The following IGF1 variants were observed in gnomAD, a reference collection of about 807,000 sequenced individuals.
IGF1 encodes insulin like growth factor 1.
A neutral mutation model predicts 13.8 loss-of-function variants in IGF1; 4 were observed. The ratio of observed to expected loss-of-function variants is 0.29; its 90% CI spans 0.14 to 0.66. The LOEUF (loss-of-function observed/expected upper bound fraction) is 0.66. Among genes scored for constraint, IGF1 ranks in the 30% least tolerant of loss-of-function variants. IGF1 has a pLI of 0.78. For synonymous variants in IGF1, 76 were observed against 72.6 expected (o/e 1.05, Z -0.23); for missense variants, 124 against 188.5 (o/e 0.66, Z 2.00).
At chr12:102,464,923 G>A (rs1044009966) in intron 2 of IGF1, among the ~76,000 whole-genome samples, 2 of 152,158 alleles carry the variant, frequency 1.3e-5, no homozygotes, top group African/African-American at 2.4e-5. Context: ...TTGCCTATAT[G>A]TGATATCTCT....
chr12:102,445,253 G>GTT (rs1270233872), intron 2 of IGF1, among the ~76,000 whole-genome samples: 4 of 152,150 alleles, frequency 2.6e-5, no homozygotes, highest in African/African-American at 9.7e-5. Flanking sequence ...ATTTAAAGTG[G>GTT]TTTTTTCTAA....
chr12:102,416,304 T>A (rs141905113), intron 3 of IGF1, among the ~76,000 whole-genome samples: 1 of 152,224 alleles, frequency 6.6e-6, no homozygotes, highest in African/African-American at 2.4e-5. Flanking sequence ...TGGCGAGAGT[T>A]TTTGCTTTAT....
At chr12:102,449,649 T>C (rs1878738858) in intron 2 of IGF1, among the ~76,000 whole-genome samples, 1 of 144,016 alleles carries the variant, frequency 6.9e-6, no homozygotes, top group African/African-American at 2.5e-5. Flanking sequence ...TAGAGGAATG[T>C]CAGCACAGGC....
intron 2 of IGF1, among the ~76,000 whole-genome samples, chr12:102,460,958 G>C (rs1879850412): frequency 6.6e-6 from 1 of 152,122 alleles, no homozygotes; most frequent in South Asian, 2.1e-4. Flanking sequence ...ACTGGGAAGA[G>C]AGATCACAAT....
At chr12:102,427,914 G>T (rs957988050) in intron 2 of IGF1, among the ~76,000 whole-genome samples, 7 of 152,046 alleles carry the variant, frequency 4.6e-5, no homozygotes, top group African/African-American at 9.7e-5. Flanking sequence ...GTGCCAGTTG[G>T]GTTGTGTGTG....
At chr12:102,480,228 T>A in intron 1 of IGF1, 91 bp downstream of exon 1, 1 of 1,271,258 alleles carries the variant, frequency 7.9e-7, no homozygotes, top group Non-Finnish European at 1.1e-6. Flanking sequence ...ACAATGAAAA[T>A]TTTAAAGTGA....
intron 3 of IGF1, among the ~76,000 whole-genome samples, chr12:102,405,074 C>CTGCT (rs1224098647): frequency 9.6e-5 from 12 of 124,692 alleles, no homozygotes; most frequent in Admixed American, 2.7e-4. Flanking sequence ...CCATTGGGTT[C>CTGCT]TGCTTTCTTT....
intron 1 of IGF1, among the ~76,000 whole-genome samples, chr12:102,477,758 C>A (rs747590905): frequency 6.6e-6 from 1 of 152,006 alleles, no homozygotes; most frequent in Admixed American, 6.6e-5. Flanking sequence ...TTCTTTGTTG[C>A]GTTCATAGCA....
chr12:102,448,419 C>G (rs1429184782), intron 2 of IGF1, among the ~76,000 whole-genome samples: 2 of 147,442 alleles, frequency 1.4e-5, no homozygotes, highest in Non-Finnish European at 3.0e-5. Context: ...AACCATCATT[C>G]TCAGTAAACT....
chr12:102,405,253 A>T (rs1371402452), intron 3 of IGF1, among the ~76,000 whole-genome samples: 2 of 150,126 alleles, frequency 1.3e-5, no homozygotes, highest in Non-Finnish European at 3.0e-5. Flanking sequence ...TGCCCAGCTA[A>T]TTTTTTGTAT....
Position 102,464,495 on chromosome 12 carries a change from C to A in IGF1, c.220+11148G>T, listed in dbSNP as rs1880158799. Among the ~76,000 whole-genome samples the A allele has an allele frequency of 2.7e-5, 4 of 147,678 alleles. No homozygotes were observed. In the South Asian group the frequency reaches 9.0e-4, roughly 33 times the overall value. ...TGTGAAAAACAGGAGGGGGGAAAAC[C>A]CTTAAAACTTAGTCTGTGTTCTTCT... On this transcript the variant is annotated intron_variant, in intron 2 of 3. Coordinates refer to ENST00000337514, the MANE Select transcript of IGF1 (RefSeq NM_000618.5).
rs548454021 is a variant in IGF1 at position 102,459,836 on chromosome 12, G to A, written c.220+15807C>T. Among the ~76,000 whole-genome samples, 16 of 152,272 alleles carry A rather than the reference G, an allele frequency of 1.1e-4. No homozygotes were observed. The East Asian group carries it at 1.4e-3, about 13-fold the overall frequency. Reference sequence around the variant, plus strand: ...GGCTATACAGTTCTATAAAGATGAGGTTTGTGTCTTATTTATATAAACCAG... The same window carrying A: ...GGCTATACAGTTCTATAAAGATGAGATTTGTGTCTTATTTATATAAACCAG... On this transcript the variant is annotated intron_variant, in intron 2 of 3. Transcript: ENST00000337514.
At chr12:102,444,568 T>G (rs1592789968) in intron 2 of IGF1, among the ~76,000 whole-genome samples, 1 of 152,108 alleles carries the variant, frequency 6.6e-6, no homozygotes, top group East Asian at 1.9e-4. Flanking sequence ...ATACTCTTTA[T>G]AGATTAAATA....
chr12:102,414,689 G>A (rs1432360444), intron 3 of IGF1, among the ~76,000 whole-genome samples: 2 of 152,148 alleles, frequency 1.3e-5, no homozygotes, highest in Non-Finnish European at 1.5e-5. Flanking sequence ...CTCCCAAAGT[G>A]CTAGGATTAC....
Position 102,416,766 on chromosome 12 carries a change from A to T in IGF1, c.402+2743T>A, listed in dbSNP as rs570488199. ...CAAAATGCAGTGGTTATCATCAGAG[A>T]TCAGAAGTCTTCTGTCACTGGCTGA... On this transcript the variant is annotated intron_variant, in intron 3 of 3. Transcript: ENST00000337514. 3.9e-4 allele frequency among the ~76,000 whole-genome samples: 60 copies of T among 152,338 alleles called. No individual in the cohort carries two copies. In the South Asian group the frequency reaches 5.6e-3, roughly 14 times the overall value.
At chr12:102,415,029 TA>T (rs1874963106) in intron 3 of IGF1, among the ~76,000 whole-genome samples, 2 of 152,220 alleles carry the variant, frequency 1.3e-5, no homozygotes, top group South Asian at 4.1e-4. Context: ...CCTGTAGCAA[TA>T]GGTCCTTGAA....
intron 2 of IGF1, among the ~76,000 whole-genome samples, chr12:102,440,846 T>G (rs5742658): frequency 0.027 from 4,181 of 152,274 alleles, 88 homozygotes; most frequent in African/African-American, 0.039. Flanking sequence ...ATTCTGTGAT[T>G]TGAAATTTTA....
Position 102,476,776 on chromosome 12 carries a change from G to T in IGF1, c.64-977C>A, listed in dbSNP as rs151286614. 5.1e-4 allele frequency among the ~76,000 whole-genome samples: 78 copies of T among 152,342 alleles called. No homozygotes were observed. The East Asian group carries it at 9.1e-3, about 18-fold the overall frequency. On this transcript the variant is annotated intron_variant, in intron 1 of 3. Coordinates refer to ENST00000337514, the MANE Select transcript of IGF1 (RefSeq NM_000618.5). ...AGGGACCCCTGGTTGGCATGACTTA[G>T]TCAATGATAGACTGCCAAACGGCAG...
intron 1 of IGF1, among the ~76,000 whole-genome samples, chr12:102,476,410 T>TGA (rs36047405): frequency 0.099 from 13,828 of 139,018 alleles, 1,017 homozygotes; most frequent in African/African-American, 0.22. Flanking sequence ...TTCCTCAATA[T>TGA]GAGAGAGAGA....
Sources: gnomAD v4.1 joint callset for allele counts (sites outside exome capture counted in the v4.1 genomes callset) on GRCh38, gnomAD v4.1.1 for gene constraint, MANE v1.5 for transcripts, NCBI Gene and HGNC (gene_info 2026-07-23, HGNC 2026-07-21) for gene names.